The following DNAAF5 variants were observed in gnomAD, a reference collection of about 807,000 sequenced individuals.
DNAAF5 encodes dynein axonemal assembly factor 5.
A neutral mutation model predicts 75.8 loss-of-function variants in DNAAF5; 64 were observed. The ratio of observed to expected loss-of-function variants is 0.84; its 90% CI spans 0.69 to 1.04. The LOEUF (loss-of-function observed/expected upper bound fraction) is 1.04, where lower values mean the gene tolerates loss of function less well. Among genes scored for constraint, DNAAF5 ranks in the 50% least tolerant of loss-of-function variants. DNAAF5 has a pLI of 0.00. For synonymous variants in DNAAF5, 657 were observed against 557.2 expected (o/e 1.18, Z -2.52); for missense variants, 1,269 against 1,178.5 (o/e 1.08, Z -1.12).
intron 3 of DNAAF5, 66 bp from the exon 4 acceptor site, chr7:741,281 C>A: frequency 1.6e-6 from 2 of 1,218,892 alleles, no homozygotes; most frequent in Non-Finnish European, 2.4e-6. Flanking sequence ...CGTGTCCTGG[C>A]GCAGCCCTGC....
chr7:776,386 G>T (rs780966304), intron 11 of DNAAF5, among the ~76,000 whole-genome samples: 2 of 152,134 alleles, frequency 1.3e-5, no homozygotes, highest in East Asian at 1.9e-4. Context: ...GTTCAAGTTG[G>T]TACTATGAGA....
chr7:760,449 T>G (rs1782611146), intron 6 of DNAAF5, among the ~76,000 whole-genome samples: 1 of 152,210 alleles, frequency 6.6e-6, no homozygotes, highest in Admixed American at 6.5e-5. Context: ...ACTCTGTACT[T>G]TATGAAACAT....
At chr7:768,072 T>C (rs886505189) in intron 8 of DNAAF5, among the ~76,000 whole-genome samples, 12 of 148,200 alleles carry the variant, frequency 8.1e-5, no homozygotes, top group Non-Finnish European at 1.3e-4. Context: ...GGCGGAAGTG[T>C]CCGTGCAGCG....
intron 11 of DNAAF5, among the ~76,000 whole-genome samples, chr7:775,955 C>T (rs1297944870): frequency 6.6e-6 from 1 of 152,074 alleles, no homozygotes; most frequent in African/African-American, 2.4e-5. Flanking sequence ...ATTTTGGTAT[C>T]CTAGAGGAGG....
At chr7:771,532 C>T (rs1221312546) in intron 9 of DNAAF5, 1 of 152,298 alleles carries the variant, frequency 6.6e-6, no homozygotes. Flanking sequence ...AGACTTTTCT[C>T]CTTCATGACC....
chr7:743,399 G>T (rs566283909), intron 4 of DNAAF5, among the ~76,000 whole-genome samples: 1 of 151,190 alleles, frequency 6.6e-6, no homozygotes, highest in Admixed American at 6.6e-5. Context: ...ACAAAAAACA[G>T]TTTCTCATGT....
rs373040691 is a variant in DNAAF5, at chr7:770,535, C to T, written c.1848C>T (p.Ser616=). 6.9e-5 allele frequency: 112 copies of T among 1,613,824 alleles called. No homozygotes were observed. The highest frequency in any genetic ancestry group is 9.4e-5 in the Non-Finnish European group (111 of 1,179,984). ...CGCTGAGGGCCTGTCTGCAGCCCTC[C>T]CAAGACCCGCAGATGCGCCTGAAGC... The part of the protein sequence containing the change: ...VPTLRACLQP[S]QDPQMRLKLF... Residue 616 remains serine (S), a synonymous_variant, in exon 9 of 13, where the codon TCC becomes TCT. Coordinates refer to ENST00000297440, the MANE Select transcript of DNAAF5 (RefSeq NM_017802.4).
At chr7:783,760 C>T (rs1779058148) in intron 12 of DNAAF5, among the ~76,000 whole-genome samples, 1 of 151,878 alleles carries the variant, frequency 6.6e-6, no homozygotes, top group African/African-American at 2.4e-5. Flanking sequence ...CTGCCTGCGC[C>T]CTCCCAGCTC....
At chr7:749,353 G>C (rs1011842120) in intron 4 of DNAAF5, among the ~76,000 whole-genome samples, 2 of 152,190 alleles carry the variant, frequency 1.3e-5, no homozygotes, top group Non-Finnish European at 2.9e-5. Flanking sequence ...AAAGGAAAGC[G>C]TCTCGATGCT....
At chr7:735,438 G>A (rs34972090) in intron 2 of DNAAF5, among the ~76,000 whole-genome samples, 72,064 of 150,540 alleles carry the variant, frequency 0.48, 17,333 homozygotes, top group Middle Eastern at 0.5. Flanking sequence ...CGCTGCTCAC[G>A]GTGTAGTTGT....
intron 4 of DNAAF5, among the ~76,000 whole-genome samples, chr7:750,072 C>T (rs186800146): frequency 3.9e-5 from 6 of 152,292 alleles, no homozygotes; most frequent in African/African-American, 1.4e-4. Context: ...TGAGTAACAG[C>T]GTTTGAGTCC....
chr7:781,975 C>T (rs1334981993), intron 12 of DNAAF5, among the ~76,000 whole-genome samples: 2 of 152,250 alleles, frequency 1.3e-5, no homozygotes, highest in East Asian at 1.9e-4. Flanking sequence ...TCATTCTTCC[C>T]TTTGCTGTGT....
chr7:729,209 G>C (rs1028526263), intron 1 of DNAAF5, among the ~76,000 whole-genome samples: 16 of 152,156 alleles, frequency 1.1e-4, no homozygotes, highest in African/African-American at 3.1e-4. Context: ...GCTTTGCCTG[G>C]AGTGGTGCTG....
intron 1 of DNAAF5, 97 bp downstream of exon 1, chr7:727,412 G>GC (rs1781374997): frequency 3.8e-6 from 2 of 520,380 alleles, no homozygotes; most frequent in African/African-American, 8.5e-5. Context: ...GCTCGGCCCC[G>GC]CCCCCCTCCA....
At chr7:741,209 G>A in intron 3 of DNAAF5, 138 bp from the exon 4 acceptor site, 1 of 711,028 alleles carries the variant, frequency 1.4e-6, no homozygotes, top group East Asian at 2.7e-5. Context: ...TGGAATTTCT[G>A]GTCCACCTTT....
chr7:727,899 G>A (rs537764929), intron 1 of DNAAF5, among the ~76,000 whole-genome samples: 1 of 151,482 alleles, frequency 6.6e-6, no homozygotes, highest in East Asian at 2.0e-4. Context: ...TTCCTGTTAG[G>A]CGGTTTGGGG....
chr7:745,768 C>G (rs1027637662), intron 4 of DNAAF5, among the ~76,000 whole-genome samples: 1 of 152,246 alleles, frequency 6.6e-6, no homozygotes, highest in Non-Finnish European at 1.5e-5. Flanking sequence ...ACATCCTGCC[C>G]TACCCCGCCA....
chr7:759,348 A>G (rs1443806376), intron 6 of DNAAF5, among the ~76,000 whole-genome samples: 1 of 152,186 alleles, frequency 6.6e-6, no homozygotes, highest in Admixed American at 6.5e-5. Flanking sequence ...CGGGCCCAGT[A>G]GGTCCCCTAG....
rs115560976 is a variant in DNAAF5, at chr7:738,633, C to T, written c.781-2186C>T. ...TTTTTTAAACTCTTATATGGCAGTT[C>T]GGTGTTCAGTGCTGTTTTTGAACTA... On this transcript the variant is annotated intron_variant, in intron 2 of 12. Transcript: ENST00000297440. Among the ~76,000 whole-genome samples, 476 of 152,124 alleles carry T rather than the reference C, an allele frequency of 3.1e-3. 2 individuals carry two copies. Among genetic ancestry groups the T allele is most frequent in the African/African-American group, 0.01 (430 of 41,482 alleles).
Sources: allele counts gnomAD v4.1 joint callset (sites outside exome capture counted in the v4.1 genomes callset), GRCh38; gene constraint gnomAD v4.1.1; transcripts MANE v1.5; gene names NCBI Gene and HGNC (gene_info 2026-07-23, HGNC 2026-07-21).